TENM3: variants seen among roughly 807,000 people sequenced by gnomAD.
TENM3 encodes the protein teneurin transmembrane protein 3, also known as teneurin-3.
In TENM3, 63 loss-of-function variants were observed where a neutral mutation model predicts 255.1. That is an observed-to-expected ratio of 0.25 (90% CI 0.20 to 0.30). The LOEUF (loss-of-function observed/expected upper bound fraction) is 0.30, where lower values mean the gene tolerates loss of function less well. TENM3 is among the 10% of genes least tolerant of loss of function. The probability of loss-of-function intolerance (pLI) is 1.00; values close to 1 mark genes in which losing one functional copy is unlikely to be tolerated. For missense variants in TENM3, 2,929 were observed against 3,461.1 expected (o/e 0.85, Z 3.86); for synonymous variants, 1,306 against 1,322.3 (o/e 0.99, Z 0.27).
At chr4:182,497,847 CATATATATATAT>C (rs56170155) in intron 3 of TENM3, among the ~76,000 whole-genome samples, 9,714 of 135,508 alleles carry the variant, frequency 0.072, 471 homozygotes, top group African/African-American at 0.13. Context: ...ACTAAAAATA[CATATATATATAT>C]ATATATATAT....
At chr4:182,636,030 G>A (rs1027991240) in intron 5 of TENM3, among the ~76,000 whole-genome samples, 3 of 152,104 alleles carry the variant, frequency 2.0e-5, no homozygotes, top group Admixed American at 2.0e-4. Flanking sequence ...TGTAATAAAA[G>A]TGCTGTTTTA....
At chr4:181,450,024 A>T in the TENM3 span, among the ~76,000 whole-genome samples, 1 of 152,162 alleles carries the variant, frequency 6.6e-6, no homozygotes, top group African/African-American at 2.4e-5. Flanking sequence ...TTATCATTAA[A>T]CTACTATTTA....
chr4:182,066,827 C>T, the TENM3 span, among the ~76,000 whole-genome samples: 1 of 151,970 alleles, frequency 6.6e-6, no homozygotes. Context: ...AGGAGAATGG[C>T]GTGAACCCGG....
At position 182,680,665 on chromosome 4, in the gene TENM3, G is replaced by A. The variant is rs1181189177; in HGVS notation, c.1762G>A (p.Gly588Arg). 9 of 1,607,740 alleles carry A rather than the reference G, an allele frequency of 5.6e-6. No homozygotes were observed. The highest frequency in any genetic ancestry group is 7.6e-6 in the Non-Finnish European group (9 of 1,177,942). ...TACCCAGTGTATTGACCCACAGTGT[G>A]GGGGTCGTGGGATTTGTATCATGGG... ...PTTQCIDPQC[G>R]GRGICIMGSC... Residue 588 changes from glycine to arginine, a missense_variant, in exon 10 of 28, where the codon GGG (glycine) becomes AGG (arginine). Physicochemically the swap from Gly to Arg is moderately radical, Grantham distance 125. Transcript: ENST00000511685.
At chr4:182,439,294 A>G (rs1561447854) in intron 3 of TENM3, among the ~76,000 whole-genome samples, 1 of 152,104 alleles carries the variant, frequency 6.6e-6, no homozygotes, top group Non-Finnish European at 1.5e-5. Flanking sequence ...CTCTTCTCCT[A>G]TATTACTTAC....
chr4:181,762,379 C>T, the TENM3 span, among the ~76,000 whole-genome samples: 1 of 152,306 alleles, frequency 6.6e-6, no homozygotes, highest in South Asian at 2.1e-4. Context: ...TTCCATTCCA[C>T]CTGGATTTCC....
chr4:182,135,840 T>C, the TENM3 span, among the ~76,000 whole-genome samples: 1 of 152,248 alleles, frequency 6.6e-6, no homozygotes, highest in Non-Finnish European at 1.5e-5. Context: ...CCTTAGTTGA[T>C]AGTTCACAGA....
At chr4:182,562,888 C>T (rs1250742348) in intron 3 of TENM3, among the ~76,000 whole-genome samples, 1 of 152,138 alleles carries the variant, frequency 6.6e-6, no homozygotes, top group Non-Finnish European at 1.5e-5. Flanking sequence ...ACTCTGAGTA[C>T]TCAGAAATTC....
the TENM3 span, among the ~76,000 whole-genome samples, chr4:181,597,195 T>C: frequency 1.3e-5 from 2 of 152,220 alleles, no homozygotes; most frequent in Non-Finnish European, 2.9e-5. Context: ...TGCTAAAGAA[T>C]AGTGTGTTCT....
At chr4:181,689,244 A>G in the TENM3 span, among the ~76,000 whole-genome samples, 1 of 152,238 alleles carries the variant, frequency 6.6e-6, no homozygotes, top group Non-Finnish European at 1.5e-5. Flanking sequence ...CATTTTAGAC[A>G]GGGCAAAACT....
intron 1 of TENM3, among the ~76,000 whole-genome samples, chr4:182,262,478 C>T (rs1430703872): frequency 1.3e-5 from 2 of 152,136 alleles, no homozygotes; most frequent in African/African-American, 4.8e-5. Flanking sequence ...CCCACCAAAA[C>T]CAAGATGGTG....
chr4:181,698,141 G>T, the TENM3 span, among the ~76,000 whole-genome samples: 1 of 151,722 alleles, frequency 6.6e-6, no homozygotes, highest in East Asian at 2.0e-4. Flanking sequence ...TTGAAACCGG[G>T]AGGCGGAGGT....
intron 12 of TENM3, among the ~76,000 whole-genome samples, chr4:182,699,239 T>C (rs1413659523): frequency 6.6e-6 from 1 of 152,224 alleles, no homozygotes; most frequent in East Asian, 1.9e-4. Context: ...AGCAGCTGTT[T>C]CAGAAAGAAT....
intron 2 of TENM3, among the ~76,000 whole-genome samples, chr4:182,345,756 T>C (rs1764760605): frequency 6.6e-6 from 1 of 152,208 alleles, no homozygotes; most frequent in African/African-American, 2.4e-5. Context: ...ACACTTTTGC[T>C]TTAAGTTATT....
chr4:181,821,620 G>A, the TENM3 span: 1 of 152,180 alleles, frequency 6.6e-6, no homozygotes, highest in Admixed American at 6.5e-5. Context: ...TACAGCTGCT[G>A]TACAGAGAGC....
rs149236811 is a variant in TENM3, at chr4:182,667,174, TTTTTG to T, written c.1112-5800_1112-5796del. Among the ~76,000 whole-genome samples the T allele has an allele frequency of 5.3e-3, 788 of 150,082 alleles. 7 individuals are homozygous for T. Among genetic ancestry groups the T allele is most frequent in the African/African-American group, 0.017 (703 of 40,818 alleles). On this transcript the variant is annotated intron_variant, in intron 6 of 27. Coordinates refer to ENST00000511685, the MANE Select transcript of TENM3 (RefSeq NM_001080477.4). ...ACTCATTGAAATCAAAGTTACCATT[TTTTTG>T]TTTTGTTTTGTTTTGTTTTGTTTTG...
At chr4:181,836,183 G>GCACACACACACA in the TENM3 span, among the ~76,000 whole-genome samples, 126 of 148,942 alleles carry the variant, frequency 8.5e-4, no homozygotes, top group South Asian at 3.4e-3. Flanking sequence ...ATACACACAT[G>GCACACACACACA]CACACACACA....
intron 1 of TENM3, among the ~76,000 whole-genome samples, chr4:182,281,927 G>C (rs915682050): frequency 6.6e-6 from 1 of 152,020 alleles, no homozygotes; most frequent in African/African-American, 2.4e-5. Flanking sequence ...GTAGAGACAG[G>C]GTTTCGCCAT....
intron 1 of TENM3, among the ~76,000 whole-genome samples, chr4:182,164,460 G>C (rs1751575086): frequency 6.6e-6 from 1 of 152,108 alleles, no homozygotes; most frequent in South Asian, 2.1e-4. Context: ...AGCTCCCTTG[G>C]CATCTGGACT....
Sources: gnomAD v4.1 joint callset for allele counts (sites outside exome capture counted in the v4.1 genomes callset) on GRCh38, gnomAD v4.1.1 for gene constraint, MANE v1.5 for transcripts, NCBI Gene and HGNC (gene_info 2026-07-23, HGNC 2026-07-21) for gene names.